The following ATP8B1 variants were observed in gnomAD, a reference collection of about 807,000 sequenced individuals.
The protein encoded by ATP8B1 is phospholipid-transporting ATPase IC.
A neutral mutation model predicts 149.9 loss-of-function variants in ATP8B1; 80 were observed. The ratio of observed to expected loss-of-function variants is 0.53; its 90% CI spans 0.45 to 0.64. The LOEUF (loss-of-function observed/expected upper bound fraction) is 0.64, where lower values mean the gene tolerates loss of function less well. Ranked by LOEUF, ATP8B1 falls within the 30% of genes least tolerant of loss-of-function variation. The pLI is 0.00. For synonymous variants in ATP8B1, 536 were observed against 562.8 expected (o/e 0.95, Z 0.67); for missense variants, 1,247 against 1,552.6 (o/e 0.80, Z 3.31).
At chr18:57,698,785 C>G (rs1431870192) in intron 6 of ATP8B1, among the ~76,000 whole-genome samples, 1 of 152,194 alleles carries the variant, frequency 6.6e-6, no homozygotes, top group Non-Finnish European at 1.5e-5. Context: ...CCTTCAGCCT[C>G]CCTAGGGCAT....
At chr18:57,652,835 T>G in intron 24 of ATP8B1, 106 bp from the exon 25 acceptor site, 1 of 1,438,900 alleles carries the variant, frequency 6.9e-7, no homozygotes, top group Non-Finnish European at 9.7e-7. Flanking sequence ...TGTTAAATTT[T>G]AGGAAGGCAA....
intron 1 of ATP8B1, among the ~76,000 whole-genome samples, chr18:57,748,606 CA>C (rs2079987908): frequency 6.6e-6 from 1 of 152,306 alleles, no homozygotes; most frequent in African/African-American, 2.4e-5. Flanking sequence ...TTAATTCCAA[CA>C]AACAGAGGAC....
At chr18:57,663,761 ATTTTTTTT>A (rs10598900) in intron 20 of ATP8B1, among the ~76,000 whole-genome samples, 1 of 97,462 alleles carries the variant, frequency 1.0e-5, no homozygotes. Context: ...TGCTTTGCCC[ATTTTTTTT>A]TTTTTTTTTT....
chr18:57,785,796 G>A lies in ATP8B1; in HGVS notation c.-26+17202C>T, dbSNP rs115872069. ...GTTGGGATTACAGGCATGAGCCACC[G>A]TACCTGGCCGTAAGTATCTATTTGT... On this transcript the variant is annotated intron_variant, in intron 1 of 27. Transcript: ENST00000648908. Among the ~76,000 whole-genome samples, 1,189 of 152,180 alleles carry A rather than the reference G, an allele frequency of 7.8e-3. 15 individuals are homozygous for A. The highest frequency in any genetic ancestry group is 0.028 in the African/African-American group (1,143 of 41,528).
Position 57,667,345 on chromosome 18 carries a change from G to A in ATP8B1, c.2210-178C>T, listed in dbSNP as rs160992. 0.41 allele frequency: 240,723 copies of A among 591,866 alleles called. 51,518 individuals carry two copies. The highest frequency in any genetic ancestry group is 0.68 in the East Asian group (23,554 of 34,394). The allele number at this position is 591,866 out of a possible 1,614,324, so 36.7% of individuals were successfully genotyped here. ...TGATCTGCCCATCTCAGCACCACCC[G>A]CAGCCCCCAAGTAGCTGGGACTACG... On this transcript the variant is annotated intron_variant, in intron 19 of 27. Coordinates refer to ENST00000648908, the MANE Select transcript of ATP8B1 (RefSeq NM_001374385.1).
At chr18:57,668,360 TG>T in intron 19 of ATP8B1, 68 bp downstream of exon 19, 1 of 1,441,900 alleles carries the variant, frequency 6.9e-7, no homozygotes, top group Non-Finnish European at 9.8e-7. Context: ...GAGGTCATCT[TG>T]GGCAAAGGAA....
In ATP8B1 at chr18:57,697,821, G is replaced by A. The variant is rs375773988; in HGVS notation, c.601C>T (p.Arg201Cys). Residue 201 changes from arginine (R) to cysteine (C), a missense_variant, in exon 7 of 28, where the codon CGT becomes TGT. Around this residue, in one of 3 missense-constraint regions of ATP8B1, gnomAD observed 853 missense variants for 1,035.7 expected, o/e 0.82. Coordinates refer to ENST00000648908, the MANE Select transcript of ATP8B1 (RefSeq NM_001374385.1). ...GGAACAAAATCATTTTTTTTCAGAC[G>A]AATGACGTCTCCAACTTGAATTTCT... ...WKEIQVGDVIRLKKNDFVPAD... is the reference protein window; with the variant it reads ...WKEIQVGDVICLKKNDFVPAD... 36 of 1,613,594 alleles carry A rather than the reference G, an allele frequency of 2.2e-5. No homozygotes were observed. In the African/African-American group the frequency reaches 3.5e-4, roughly 16 times the overall value.
intron 27 of ATP8B1, among the ~76,000 whole-genome samples, chr18:57,649,190 A>ATCTATCTATC (rs1909427425): frequency 6.8e-5 from 10 of 148,096 alleles, no homozygotes; most frequent in African/African-American, 2.2e-4. Flanking sequence ...GTGCTTGGCT[A>ATCTATCTATC]TATCTATCTA....
intron 1 of ATP8B1, among the ~76,000 whole-genome samples, chr18:57,754,981 T>C (rs1415311506): frequency 6.6e-6 from 1 of 152,214 alleles, no homozygotes. Flanking sequence ...TTGGTATCTT[T>C]GCATAGTGAG....
chr18:57,777,863 T>G (rs1450266930), intron 1 of ATP8B1, among the ~76,000 whole-genome samples: 3 of 152,174 alleles, frequency 2.0e-5, no homozygotes, highest in African/African-American at 4.8e-5. Flanking sequence ...AGCCACCTTA[T>G]CTGGCCAAGG....
chr18:57,713,805 T>C (rs1296388698), intron 2 of ATP8B1, among the ~76,000 whole-genome samples: 1 of 152,090 alleles, frequency 6.6e-6, no homozygotes, highest in African/African-American at 2.4e-5. Flanking sequence ...TTTTTTATTT[T>C]TAGTAGAGAC....
intron 1 of ATP8B1, among the ~76,000 whole-genome samples, chr18:57,745,224 C>T (rs2079953861): frequency 6.6e-6 from 1 of 152,136 alleles, no homozygotes; most frequent in Admixed American, 6.5e-5. Context: ...ACCTCATTTA[C>T]AGAGCCTTTT....
chr18:57,650,240 A>G, intron 27 of ATP8B1, 127 bp downstream of exon 27: 1 of 1,227,440 alleles, frequency 8.1e-7, no homozygotes. Context: ...AGTTAAAGAG[A>G]AGCAATCATG....
intron 20 of ATP8B1, among the ~76,000 whole-genome samples, chr18:57,663,592 A>G (rs141365049): frequency 1.4e-3 from 215 of 151,974 alleles, no homozygotes; most frequent in African/African-American, 4.4e-3. Context: ...GTTATTTTCT[A>G]TTGTGTTTTG....
chr18:57,728,651 C>T (rs923795224), intron 2 of ATP8B1, among the ~76,000 whole-genome samples: 5 of 151,186 alleles, frequency 3.3e-5, no homozygotes, highest in African/African-American at 1.2e-4. Context: ...TTTTGAGAAG[C>T]GAGAACCACC....
At chr18:57,757,524 T>C (rs1442971106) in intron 1 of ATP8B1, among the ~76,000 whole-genome samples, 1 of 152,148 alleles carries the variant, frequency 6.6e-6, no homozygotes, top group Non-Finnish European at 1.5e-5. Flanking sequence ...CACACATACA[T>C]ATACACTTAT....
chr18:57,761,885 G>A (rs2080161231), intron 1 of ATP8B1, among the ~76,000 whole-genome samples: 2 of 148,398 alleles, frequency 1.3e-5, no homozygotes, highest in Non-Finnish European at 3.0e-5. Context: ...GGGAGGTGGA[G>A]GTTGCAGTGA....
At chr18:57,758,755 A>G (rs896776613) in intron 1 of ATP8B1, among the ~76,000 whole-genome samples, 2 of 151,952 alleles carry the variant, frequency 1.3e-5, no homozygotes, top group South Asian at 4.1e-4. Flanking sequence ...TTTTTCACTT[A>G]GCAATATCTC....
chr18:57,681,262 A>C (rs113911514), intron 15 of ATP8B1, among the ~76,000 whole-genome samples: 30,271 of 152,054 alleles, frequency 0.2, 3,513 homozygotes, highest in South Asian at 0.29. Context: ...CAGTTGATAA[A>C]GAATAAAGAA....
Sources: allele counts gnomAD v4.1 joint callset (sites outside exome capture counted in the v4.1 genomes callset), GRCh38; gene constraint gnomAD v4.1.1; regional missense constraint gnomAD v4.1.1; transcripts MANE v1.5; gene names NCBI Gene and HGNC (gene_info 2026-07-23, HGNC 2026-07-21).